The following ARVCF variants were observed in gnomAD, a reference collection of about 807,000 sequenced individuals.
ARVCF encodes ARVCF delta catenin family member.
ARVCF carries 66 observed loss-of-function variants against 90.9 expected under a neutral mutation model. The observed-to-expected ratio is 0.73, with a 90% confidence interval of 0.60 to 0.89. The LOEUF (loss-of-function observed/expected upper bound fraction) is 0.89, where lower values mean the gene tolerates loss of function less well. Among genes scored for constraint, ARVCF ranks in the 40% least tolerant of loss-of-function variants. ARVCF has a pLI of 0.00. For missense variants in ARVCF, 1,469 were observed against 1,382.3 expected (o/e 1.06, Z -1.00); for synonymous variants, 653 against 603.4 (o/e 1.08, Z -1.21).
At chr22:19,992,437 C>T (rs1034123853) in intron 2 of ARVCF, among the ~76,000 whole-genome samples, 4 of 152,210 alleles carry the variant, frequency 2.6e-5, no homozygotes, top group African/African-American at 7.2e-5. Context: ...CTCTTCTCTA[C>T]ACACCTGATG....
chr22:20,002,871 C>T (rs1044586403), intron 2 of ARVCF, among the ~76,000 whole-genome samples: 4 of 152,180 alleles, frequency 2.6e-5, no homozygotes, highest in Admixed American at 6.5e-5. Context: ...TGTAGCAGTC[C>T]TCTGTCAGCT....
chr22:20,012,886 TC>T (rs1944887663), intron 1 of ARVCF, among the ~76,000 whole-genome samples: 1 of 152,218 alleles, frequency 6.6e-6, no homozygotes, highest in African/African-American at 2.4e-5. Flanking sequence ...ACAGGGCAGC[TC>T]CCATGGGTAC....
chr22:19,990,871 G>A (rs750786698), intron 2 of ARVCF, 59 bp from the exon 3 acceptor site: 9 of 1,499,018 alleles, frequency 6.0e-6, no homozygotes, highest in Non-Finnish European at 8.1e-6. Context: ...AGGCCATCAT[G>A]GGCCCCTGCC....
At chr22:19,989,610 G>A (rs1943951060) in intron 3 of ARVCF, among the ~76,000 whole-genome samples, 1 of 152,186 alleles carries the variant, frequency 6.6e-6, no homozygotes, top group Admixed American at 6.5e-5. Context: ...GGTCCCCAGA[G>A]TCAGGGCCCA....
downstream of ARVCF, chr22:19,966,860 G>T: frequency 1.2e-6 from 1 of 844,720 alleles, no homozygotes; most frequent in Non-Finnish European, 1.4e-6. Context: ...AGGGAGGAGA[G>T]TCTAAGGAGG....
intron 16 of ARVCF, 62 bp from the exon 17 acceptor site, chr22:19,972,473 G>A (rs1017500702): frequency 6.2e-7 from 1 of 1,600,200 alleles, no homozygotes; most frequent in Admixed American, 1.7e-5. Flanking sequence ...GGGCAGAGAA[G>A]CCCACACAGG....
intron 2 of ARVCF, among the ~76,000 whole-genome samples, chr22:20,008,908 A>T (rs987832861): frequency 6.6e-6 from 1 of 152,174 alleles, no homozygotes; most frequent in Non-Finnish European, 1.5e-5. Context: ...AGAAACATAG[A>T]GAAGACCAAG....
At chr22:19,982,406 G>A (rs1436254829) in intron 3 of ARVCF, among the ~76,000 whole-genome samples, 1 of 152,082 alleles carries the variant, frequency 6.6e-6, no homozygotes, top group African/African-American at 2.4e-5. Flanking sequence ...CCTGGGGGGT[G>A]AAGTCTTCAG....
chr22:19,967,529 C>G, downstream of ARVCF: 1 of 386,264 alleles, frequency 2.6e-6, no homozygotes, highest in Non-Finnish European at 5.1e-6. Flanking sequence ...TGAAAGCCCC[C>G]TGCTTTCTCT....
chr22:19,977,393 T>C (rs1277403845), intron 9 of ARVCF, 22 bp downstream of exon 9: 2 of 1,494,148 alleles, frequency 1.3e-6, no homozygotes, highest in Non-Finnish European at 8.9e-7. Context: ...GTAGAGATGA[T>C]ACCCCAGTCC....
At chr22:19,965,544 A>G (rs2146178391), downstream of ARVCF, 1 of 152,030 alleles carries the variant, frequency 6.6e-6, no homozygotes, top group Non-Finnish European at 1.5e-5. Context: ...GTTTCACCAC[A>G]TTGGCCAGGA....
intron 19 of ARVCF, 82 bp downstream of exon 19, chr22:19,971,134 C>A (rs930646083): frequency 5.2e-6 from 8 of 1,545,900 alleles, no homozygotes; most frequent in South Asian, 1.2e-5. Flanking sequence ...AAGAGCAGAG[C>A]GTGCAGGCAG....
downstream of ARVCF, among the ~76,000 whole-genome samples, chr22:19,968,370 A>G (rs190149878): frequency 2.7e-3 from 406 of 152,300 alleles, 1 homozygote; most frequent in African/African-American, 9.2e-3. Flanking sequence ...AGTCTTGTAC[A>G]GTCCTTTCCT....
At chr22:19,982,114 T>C in intron 3 of ARVCF, 23 bp from the exon 4 acceptor site, 2 of 1,606,614 alleles carry the variant, frequency 1.2e-6, no homozygotes, top group Non-Finnish European at 1.7e-6. Flanking sequence ...GGGACATTGG[T>C]GGGCAGGCCT....
intron 7 of ARVCF, 48 bp downstream of exon 7, chr22:19,978,849 A>G (rs1386748947): frequency 6.4e-7 from 1 of 1,570,122 alleles, no homozygotes; most frequent in Non-Finnish European, 8.7e-7. Flanking sequence ...GACCACGAGG[A>G]CGGGGCCTGG....
chr22:19,996,661 TGC>T, intron 2 of ARVCF, among the ~76,000 whole-genome samples: 1 of 152,316 alleles, frequency 6.6e-6, no homozygotes, highest in Admixed American at 6.5e-5. Flanking sequence ...GTCCTGCCCC[TGC>T]CAGTCTACCA....
Position 19,982,096 on chromosome 22 carries a change from G to A in ARVCF, c.211-5C>T. On this transcript the variant is annotated splice_region_variant and splice_polypyrimidine_tract_variant and intron_variant, in intron 3 of 19. Coordinates refer to ENST00000263207, the MANE Select transcript of ARVCF (RefSeq NM_001670.3). ...CTGGCTGCCTGGGCTCTGCTCCTGGGGCAAGGAGGGACATTGGTGGGCAGG... is the reference window on the plus strand; with the variant it reads ...CTGGCTGCCTGGGCTCTGCTCCTGGAGCAAGGAGGGACATTGGTGGGCAGG... The A allele has an allele frequency of 1.2e-6, 2 of 1,610,128 alleles. No individual in the cohort carries two copies. The highest frequency in any genetic ancestry group is 1.3e-5 in the African/African-American group (1 of 75,004).
downstream of ARVCF, chr22:19,968,730 GC>G (rs1343516958): frequency 6.3e-7 from 1 of 1,578,594 alleles, no homozygotes; most frequent in Admixed American, 1.8e-5. Flanking sequence ...GCGAAGCAGG[GC>G]CCTGACTGCC....
chr22:19,973,599 G>A (rs1260538241), intron 13 of ARVCF, 44 bp downstream of exon 13: 1 of 1,571,736 alleles, frequency 6.4e-7, no homozygotes, highest in Non-Finnish European at 8.6e-7. Context: ...CAAAGCTGCA[G>A]GCACAGTTCG....
Sources: gnomAD v4.1 joint callset for allele counts (sites outside exome capture counted in the v4.1 genomes callset) on GRCh38, gnomAD v4.1.1 for gene constraint, MANE v1.5 for transcripts, NCBI Gene and HGNC (gene_info 2026-07-23, HGNC 2026-07-21) for gene names.